The following FOXO3 variants were observed in gnomAD, a reference collection of about 807,000 sequenced individuals.
The protein encoded by FOXO3 is forkhead box protein O3.
A neutral mutation model predicts 41.9 loss-of-function variants in FOXO3; 4 were observed. That is an observed-to-expected ratio of 0.10 (90% CI 0.05 to 0.22). The LOEUF (loss-of-function observed/expected upper bound fraction) is 0.22. Ranked by LOEUF, FOXO3 falls within the 10% of genes least tolerant of loss-of-function variation. The probability of loss-of-function intolerance (pLI) is 1.00; values close to 1 mark genes in which losing one functional copy is unlikely to be tolerated. For missense variants in FOXO3, 534 were observed against 906.8 expected, an observed-to-expected ratio of 0.59 and a Z score of 5.28; for synonymous variants, 318 against 389.3, an observed-to-expected ratio of 0.82 and a Z score of 2.16.
Position 108,666,473 on chromosome 6 carries a change from C to T in FOXO3, c.*34+1584C>T, listed in dbSNP as rs544560649. On this transcript the variant is annotated intron_variant, in intron 2 of 2. Transcript: ENST00000406360. ...GCCTCAGCCTCCTGAGTAGCTGGGA[C>T]TACAGGCGCCCGCCACCACGCCTGG... is the stretch of plus-strand genomic sequence containing the variant. Among the ~76,000 whole-genome samples the T allele has an allele frequency of 4.0e-3, 608 of 151,646 alleles. 2 individuals carry two copies. Among genetic ancestry groups the T allele is most frequent in the Middle Eastern group, 0.014 (4 of 292 alleles).
intron 1 of FOXO3, among the ~76,000 whole-genome samples, chr6:108,589,973 G>T (rs551924970): frequency 3.3e-5 from 5 of 152,146 alleles, no homozygotes; most frequent in East Asian, 1.9e-4. Flanking sequence ...TTTTATCCTC[G>T]ATCACGTTAT....
chr6:108,612,407 C>T (rs183924155), intron 1 of FOXO3, among the ~76,000 whole-genome samples: 116 of 151,996 alleles, frequency 7.6e-4, no homozygotes, highest in African/African-American at 2.7e-4. Context: ...TGGCCAGGCG[C>T]GGTGGCTCAT....
At chr6:108,665,811 A>AG (rs1554219426) in intron 2 of FOXO3, among the ~76,000 whole-genome samples, 1,683 of 59,584 alleles carry the variant, frequency 0.028, 17 homozygotes, top group South Asian at 0.14. Context: ...CCTATCTCTT[A>AG]GAAAAAAAAA....
rs185050691 is a variant in FOXO3 at position 108,619,625 on chromosome 6, T to C, written c.622-43830T>C. Among the ~76,000 whole-genome samples the C allele has an allele frequency of 1.0e-3, 154 of 152,354 alleles. 1 individual carries two copies. The highest frequency in any genetic ancestry group is 3.5e-3 in the African/African-American group (145 of 41,592). ...CACTGGCCATCTGTTTATTTGCGTC[T>C]AAGAATAACAAAACTTTCATAGTCA... On this transcript the variant is annotated intron_variant, in intron 1 of 2. Transcript: ENST00000406360.
rs1226492936 is a variant in FOXO3, at chr6:108,681,292, A to G, written c.*1500A>G. 2.6e-5 allele frequency: 4 copies of G among 152,700 alleles called. No homozygotes were observed. Among genetic ancestry groups the G allele is most frequent in the Admixed American group, 1.3e-4 (2 of 15,288 alleles). The allele number at this position is 152,700 out of a possible 1,614,324, so 9.5% of individuals were successfully genotyped here. On this transcript the variant is annotated 3_prime_UTR_variant, in exon 3 of 3. Coordinates refer to ENST00000406360, the MANE Select transcript of FOXO3 (RefSeq NM_001455.4). ...AGACTCTTTTCTTTGCATAAAAAGC[A>G]TTAGGCATATAAATGTATAAATATA...
rs1265779435 is a variant in FOXO3 at position 108,680,730 on chromosome 6, A to C, written c.*938A>C. On this transcript the variant is annotated 3_prime_UTR_variant, in exon 3 of 3. Coordinates refer to ENST00000406360, the MANE Select transcript of FOXO3 (RefSeq NM_001455.4). ...ATTGCCAAATGTCACTAAAGGGTTT[A>C]GTTTTAAGGAGAAAGAAAAGGAAAA... is the stretch of plus-strand genomic sequence containing the variant. 1 of 146,606 alleles carries C rather than the reference A, an allele frequency of 6.8e-6. No individual in the cohort carries two copies. The highest frequency in any genetic ancestry group is 1.5e-5 in the Non-Finnish European group (1 of 66,558). 9.1% of individuals were successfully genotyped at this position (146,606 alleles called of 1,614,324 possible). A position where few individuals can be genotyped will look rare whatever the true frequency, so the allele number is the denominator to read the frequency against.
chr6:108,595,573 T>C (rs1323940564), intron 1 of FOXO3, among the ~76,000 whole-genome samples: 4 of 152,204 alleles, frequency 2.6e-5, no homozygotes. Context: ...TTCTCTCTCA[T>C]AGAAGTGTAT....
In FOXO3 at chr6:108,571,798, C is replaced by A. The variant is rs563380866; in HGVS notation, c.621+9969C>A. Reference sequence around the variant, plus strand: ...TTAAGCCCTGAAATTCATGGTAATTCGTTATGGCAGTCCTAAGAAAGTAAC... The same window carrying A: ...TTAAGCCCTGAAATTCATGGTAATTAGTTATGGCAGTCCTAAGAAAGTAAC... On this transcript the variant is annotated intron_variant, in intron 1 of 2. Transcript: ENST00000406360. Among the ~76,000 whole-genome samples, 6 of 152,210 alleles carry A rather than the reference C, an allele frequency of 3.9e-5. No homozygotes were observed. The South Asian group carries it at 1.2e-3, about 32-fold the overall frequency.
At chr6:108,584,802 TAAC>T (rs1224286484) in intron 1 of FOXO3, among the ~76,000 whole-genome samples, 1 of 152,110 alleles carries the variant, frequency 6.6e-6, no homozygotes, top group African/African-American at 2.4e-5. Flanking sequence ...ACTAATAGAA[TAAC>T]AATAATGATA....
rs1775778217 is a variant in FOXO3 at position 108,561,343 on chromosome 6, C to G, written c.135C>G (p.Ala45=). ...LQRPELQASP[A]KPSGETAADS... is the part of the protein sequence containing the mutation. ...GGCCGGAGCTCCAAGCGAGCCCTGCCAAGCCCTCGGGGGAGACGGCCGCCG... is the reference window on the plus strand; with the variant it reads ...GGCCGGAGCTCCAAGCGAGCCCTGCGAAGCCCTCGGGGGAGACGGCCGCCG... Residue 45 remains alanine (A), a synonymous_variant, in exon 1 of 3, where the codon GCC becomes GCG. Coordinates refer to ENST00000406360, the MANE Select transcript of FOXO3 (RefSeq NM_001455.4). The G allele has an allele frequency of 8.3e-6, 13 of 1,570,232 alleles. No individual in the cohort carries two copies. The East Asian group carries it at 2.8e-4, about 34-fold the overall frequency.
At chr6:108,630,331 C>T (rs1777929485) in intron 1 of FOXO3, among the ~76,000 whole-genome samples, 3 of 152,024 alleles carry the variant, frequency 2.0e-5, no homozygotes, top group South Asian at 4.2e-4. Context: ...AAGGAGCAAT[C>T]TTGAGAGGAC....
chr6:108,623,175 G>T (rs547375861), intron 1 of FOXO3, among the ~76,000 whole-genome samples: 3 of 152,192 alleles, frequency 2.0e-5, no homozygotes, highest in Non-Finnish European at 4.4e-5. Context: ...GTGGTGATGC[G>T]CTAGGGATAG....
intron 1 of FOXO3, among the ~76,000 whole-genome samples, chr6:108,570,889 A>G (rs1776081064): frequency 6.6e-6 from 1 of 152,252 alleles, no homozygotes; most frequent in Non-Finnish European, 1.5e-5. Flanking sequence ...ACTTAAAGCA[A>G]GTGTTTTAAA....
chr6:108,643,896 G>A (rs960455341), intron 1 of FOXO3, among the ~76,000 whole-genome samples: 2 of 152,152 alleles, frequency 1.3e-5, no homozygotes, highest in Non-Finnish European at 2.9e-5. Context: ...GAAGCAAGTG[G>A]GAACTTATCA....
At chr6:108,599,723 G>GCTTA (rs1776990170) in intron 1 of FOXO3, among the ~76,000 whole-genome samples, 1 of 152,158 alleles carries the variant, frequency 6.6e-6, no homozygotes, top group African/African-American at 2.4e-5. Flanking sequence ...TTCAGAGTAA[G>GCTTA]TATCTGAGAA....
At chr6:108,580,643 A>G (rs1254751186) in intron 1 of FOXO3, among the ~76,000 whole-genome samples, 1 of 152,218 alleles carries the variant, frequency 6.6e-6, no homozygotes, top group Non-Finnish European at 1.5e-5. Flanking sequence ...TCCAAGCTTC[A>G]GGGATCTTGA....
chr6:108,680,407 G>A lies in FOXO3; in HGVS notation c.*615G>A, dbSNP rs1355059672. The A allele has an allele frequency of 1.3e-5, 2 of 152,346 alleles. No homozygotes were observed. Among genetic ancestry groups the A allele is most frequent in the Non-Finnish European group, 2.9e-5 (2 of 68,022 alleles). The allele number at this position is 152,346 out of a possible 1,614,324, so 9.4% of individuals were successfully genotyped here. On this transcript the variant is annotated 3_prime_UTR_variant, in exon 3 of 3. Coordinates refer to ENST00000406360, the MANE Select transcript of FOXO3 (RefSeq NM_001455.4). ...ATTTTCTTTCTTCTTTTGTTTGGTA[G>A]AAAATTATCCTTTTCTAAAAACTGA... is the stretch of plus-strand genomic sequence containing the variant.
intron 1 of FOXO3, among the ~76,000 whole-genome samples, chr6:108,575,111 T>C (rs1562230036): frequency 2.0e-5 from 3 of 152,174 alleles, no homozygotes; most frequent in African/African-American, 4.8e-5. Flanking sequence ...ATTGAGCTTG[T>C]CTCCTTGAAA....
In FOXO3 at chr6:108,570,294, C is replaced by T. The variant is rs191386924; in HGVS notation, c.621+8465C>T. On this transcript the variant is annotated intron_variant, in intron 1 of 2. Coordinates refer to ENST00000406360, the MANE Select transcript of FOXO3 (RefSeq NM_001455.4). Reference sequence around the variant, plus strand: ...GATTACAGGCATGAGCCATTGCACCCGGCTCCCTTGTGTATTTTTATTTTA... The same window carrying T: ...GATTACAGGCATGAGCCATTGCACCTGGCTCCCTTGTGTATTTTTATTTTA... Among the ~76,000 whole-genome samples, 463 of 152,018 alleles carry T rather than the reference C, an allele frequency of 3.0e-3. 4 individuals are homozygous for T. The highest frequency in any genetic ancestry group is 3.1e-3 in the Non-Finnish European group (211 of 67,978).
Sources: allele counts gnomAD v4.1 joint callset (sites outside exome capture counted in the v4.1 genomes callset), GRCh38; gene constraint gnomAD v4.1.1; transcripts MANE v1.5; gene names NCBI Gene and HGNC (gene_info 2026-07-23, HGNC 2026-07-21).